The following GAS6 variants were observed in gnomAD, a reference collection of about 807,000 sequenced individuals.
GAS6 encodes growth arrest-specific protein 6.
Under a neutral mutation model 75.8 loss-of-function variants are expected in GAS6, and 41 were observed. That is an observed-to-expected ratio of 0.54 (90% CI 0.42 to 0.70). The LOEUF (loss-of-function observed/expected upper bound fraction) is 0.70. GAS6 is among the 30% of genes least tolerant of loss of function. The probability of loss-of-function intolerance (pLI) is 0.00; values close to 1 mark genes in which losing one functional copy is unlikely to be tolerated. For synonymous variants in GAS6, 432 were observed against 412.6 expected (o/e 1.05, Z -0.57); for missense variants, 854 against 940.2 (o/e 0.91, Z 1.20).
chr13:113,851,512 AGTGGGTGG>A (rs1178754725), intron 2 of GAS6, among the ~76,000 whole-genome samples: 1 of 147,620 alleles, frequency 6.8e-6, no homozygotes, highest in Non-Finnish European at 1.5e-5. Context: ...TGGGTGGGTG[AGTGGGTGG>A]GTGAATGGAT....
At chr13:113,852,854 C>G (rs1320235359) in intron 2 of GAS6, among the ~76,000 whole-genome samples, 1 of 152,230 alleles carries the variant, frequency 6.6e-6, no homozygotes, top group Non-Finnish European at 1.5e-5. Flanking sequence ...CACGCCCCAA[C>G]CCCCAAATGA....
chr13:113,850,651 C>T (rs2051865990), intron 2 of GAS6, among the ~76,000 whole-genome samples: 1 of 152,216 alleles, frequency 6.6e-6, no homozygotes, highest in Non-Finnish European at 1.5e-5. Flanking sequence ...TGCTGACTGT[C>T]CCCCAGAGGC....
At chr13:113,825,302 C>A (rs773289188) in intron 12 of GAS6, among the ~76,000 whole-genome samples, 119 of 149,590 alleles carry the variant, frequency 8.0e-4, no homozygotes, top group Non-Finnish European at 1.5e-3. Flanking sequence ...GCCATCGGGG[C>A]TTCACAAGGG....
At position 113,834,585 on chromosome 13, in the gene GAS6, C is replaced by T; in HGVS notation, c.800G>A (p.Gly267Asp). 1 of 1,604,576 alleles carries T rather than the reference C, an allele frequency of 6.2e-7. No homozygotes were observed. Among genetic ancestry groups the T allele is most frequent in the Non-Finnish European group, 8.5e-7 (1 of 1,176,494 alleles). ...GTCCATGTCCTGGGACAGCTTGAGG[C>T]CCCCACGCCCGTCACAGTGGCAGGT... ...SYTCHCDGRG[G>D]LKLSQDMDTC... The change falls in exon 8 of 15, where the codon GGC becomes GAC. Residue 267 changes from glycine (G) to aspartate (D), a missense_variant. By Grantham distance (94) the Gly-to-Asp change is moderately conservative. Transcript: ENST00000327773.
intron 12 of GAS6, 93 bp downstream of exon 12, chr13:113,826,903 G>T: frequency 1.5e-6 from 1 of 658,064 alleles, no homozygotes; most frequent in South Asian, 3.5e-5. Context: ...AGCTTGTCCT[G>T]ACGCTGCCAT....
Position 113,863,211 on chromosome 13 carries a change from G to T in GAS6, c.255+364C>A, listed in dbSNP as rs1189561410. On this transcript the variant is annotated intron_variant, in intron 2 of 14. Transcript: ENST00000327773. This position sits in a 1 kb window ranked among gnomAD's most constrained non-coding sequence, Gnocchi z 9.4. ...TGCTCTCCACCCCTCTCAGGAGGAC[G>T]AGGCGCGGCCCGGGGGTTCCTCACC... Among the ~76,000 whole-genome samples, 1 of 152,208 alleles carries T rather than the reference G, an allele frequency of 6.6e-6. No individual in the cohort carries two copies. The highest frequency in any genetic ancestry group is 6.5e-5 in the Admixed American group (1 of 15,288).
rs566134015 is a variant in GAS6, at chr13:113,844,668, G to C, written c.343+1859C>G. The C allele has an allele frequency of 6.6e-6, 1 of 150,704 alleles. No individual in the cohort carries two copies. The highest frequency in any genetic ancestry group is 1.9e-4 in the East Asian group (1 of 5,184). The allele number at this position is 150,704 out of a possible 1,614,324, so 9.3% of individuals were successfully genotyped here. A position where few individuals can be genotyped will look rare whatever the true frequency, so the allele number is the denominator to read the frequency against. ...CAAGACAACCAGAAAAAAGACTGAG[G>C]AGGGCATAGGAGACCCACCCGCGTG... On this transcript the variant is annotated intron_variant, in intron 4 of 14. Transcript: ENST00000327773. This position sits in a 1 kb window ranked among gnomAD's most constrained non-coding sequence, Gnocchi z 5.7.
At chr13:113,839,613 G>A (rs2051754141) in intron 5 of GAS6, 115 bp downstream of exon 5, 1 of 1,386,918 alleles carries the variant, frequency 7.2e-7, no homozygotes. Context: ...GCCTCCTTGG[G>A]GCTGTCGGAG....
At chr13:113,824,658 C>T (rs2138614747) in intron 12 of GAS6, among the ~76,000 whole-genome samples, 1 of 152,246 alleles carries the variant, frequency 6.6e-6, no homozygotes, top group African/African-American at 2.4e-5. Flanking sequence ...CACTGCAGGC[C>T]AAGGTTGGGG....
At chr13:113,825,350 C>A (rs765435678) in intron 12 of GAS6, among the ~76,000 whole-genome samples, 9 of 152,114 alleles carry the variant, frequency 5.9e-5, no homozygotes, top group Non-Finnish European at 4.4e-5. Flanking sequence ...TTTCCCGGCT[C>A]CACGTGGCCC....
rs1168447066 is a variant in GAS6, at chr13:113,848,101, G to T, written c.256-51C>A. ...AAGCATTGACCGGCACACTACGAGG[G>T]TCTCTGAACAACATAAGCATCAGCT... On this transcript the variant is annotated intron_variant, in intron 2 of 14. Transcript: ENST00000327773. This position sits in a 1 kb window ranked among gnomAD's most constrained non-coding sequence, Gnocchi z 4.8. 13 of 1,591,400 alleles carry T rather than the reference G, an allele frequency of 8.2e-6. No individual in the cohort carries two copies. The Admixed American group carries it at 1.9e-4, about 24-fold the overall frequency.
At chr13:113,846,327 T>C (rs980568548) in intron 4 of GAS6, among the ~76,000 whole-genome samples, 200 bp downstream of exon 4, 1 of 152,268 alleles carries the variant, frequency 6.6e-6, no homozygotes, top group Non-Finnish European at 1.5e-5. Flanking sequence ...TTGTTCCATG[T>C]GCATTTATTG....
chr13:113,839,974 G>T, intron 4 of GAS6, 124 bp from the exon 5 acceptor site: 2 of 1,413,382 alleles, frequency 1.4e-6, no homozygotes, highest in Non-Finnish European at 2.0e-6. Context: ...AGGGGCGCAG[G>T]CTGAGGCAGC....
At chr13:113,827,265 G>T in intron 11 of GAS6, 101 bp from the exon 12 acceptor site, 3 of 1,206,514 alleles carry the variant, frequency 2.5e-6, no homozygotes, top group African/African-American at 3.1e-5. Flanking sequence ...GGTATGTGCA[G>T]CTCTACGGCA....
chr13:113,852,154 C>G (rs906089886), intron 2 of GAS6, among the ~76,000 whole-genome samples: 1 of 152,230 alleles, frequency 6.6e-6, no homozygotes, highest in Non-Finnish European at 1.5e-5. Flanking sequence ...AACATAAATT[C>G]GTAAACTTTC....
intron 2 of GAS6, among the ~76,000 whole-genome samples, chr13:113,858,899 G>A (rs1175583640): frequency 1.3e-5 from 2 of 151,200 alleles, no homozygotes; most frequent in African/African-American, 4.9e-5. Context: ...ATGTGAATGT[G>A]TGCATGTATG....
rs551675502 is a variant in GAS6 at position 113,850,512 on chromosome 13, G to T, written c.256-2462C>A. ...TTTGGCCCCTGGAAATCCTTTCCCC[G>T]GGGATCTGCTTCTGTTTTATTTGAA... On this transcript the variant is annotated intron_variant, in intron 2 of 14. Transcript: ENST00000327773. 3.9e-5 allele frequency among the ~76,000 whole-genome samples: 6 copies of T among 152,242 alleles called. No homozygotes were observed. In the East Asian group the frequency reaches 1.2e-3, roughly 29 times the overall value.
intron 5 of GAS6, 162 bp from the exon 6 acceptor site, chr13:113,838,353 C>A (rs1272243479): frequency 4.9e-6 from 4 of 811,680 alleles, no homozygotes; most frequent in Non-Finnish European, 7.8e-6. Flanking sequence ...AGGTGCACAG[C>A]CCAGCCCTGG....
chr13:113,843,126 C>T lies in GAS6; in HGVS notation c.344-3276G>A, dbSNP rs535228224. On this transcript the variant is annotated intron_variant, in intron 4 of 14. Transcript: ENST00000327773. ...GGGAAAGCGATGGAGACAGAAACCT[C>T]TGCAGGCCCCCGAGGGCACCCACTT... The T allele has an allele frequency of 1.1e-3, 382 of 333,838 alleles. 30 individuals are homozygous for T. The highest frequency in any genetic ancestry group is 7.3e-3 in the African/African-American group (329 of 45,340). The allele number at this position is 333,838 out of a possible 1,614,324, so 20.7% of individuals were successfully genotyped here.
Sources: allele counts gnomAD v4.1 joint callset (sites outside exome capture counted in the v4.1 genomes callset), GRCh38; gene constraint gnomAD v4.1.1; non-coding constraint Gnocchi (gnomAD v3.1); transcripts MANE v1.5; gene names NCBI Gene and HGNC (gene_info 2026-07-23, HGNC 2026-07-21).